The following GTF2F2 variants were observed in gnomAD, a reference collection of about 807,000 sequenced individuals.
GTF2F2 encodes the protein general transcription factor IIF subunit 2.
Under a neutral mutation model 42.2 loss-of-function variants are expected in GTF2F2, and 23 were observed. The observed-to-expected ratio is 0.55, with a 90% CI of 0.39 to 0.77. The LOEUF (loss-of-function observed/expected upper bound fraction) is 0.77, where lower values mean the gene tolerates loss of function less well. Ranked by LOEUF, GTF2F2 falls within the 30% of genes least tolerant of loss-of-function variation. The probability of loss-of-function intolerance (pLI) is 0.00; values close to 1 mark genes in which losing one functional copy is unlikely to be tolerated. For missense variants in GTF2F2, 261 were observed against 287.2 expected (o/e 0.91, Z 0.66); for synonymous variants, 105 against 100.8 (o/e 1.04, Z -0.25).
chr13:45,131,079 C>G (rs538351824), intron 1 of GTF2F2, among the ~76,000 whole-genome samples: 1 of 152,052 alleles, frequency 6.6e-6, no homozygotes, highest in South Asian at 2.1e-4. Flanking sequence ...ATGGAGAAAC[C>G]CCGTCTCTGC....
At chr13:45,224,515 G>A (rs1333530191) in intron 5 of GTF2F2, among the ~76,000 whole-genome samples, 1 of 152,072 alleles carries the variant, frequency 6.6e-6, no homozygotes, top group Non-Finnish European at 1.5e-5. Flanking sequence ...ATTCTAGTTA[G>A]GGCAGATGTC....
intron 5 of GTF2F2, among the ~76,000 whole-genome samples, chr13:45,223,677 A>G (rs2138207679): frequency 6.6e-6 from 1 of 152,346 alleles, no homozygotes; most frequent in South Asian, 2.1e-4. Context: ...AACTGATAGA[A>G]TACTGCACTA....
chr13:45,278,092 T>G (rs1034593572), intron 7 of GTF2F2, among the ~76,000 whole-genome samples: 1 of 152,174 alleles, frequency 6.6e-6, no homozygotes, highest in Non-Finnish European at 1.5e-5. Context: ...AGTCCTCCAT[T>G]TGTTTGACAG....
intron 4 of GTF2F2, chr13:45,194,554 A>G (rs1316795763): frequency 6.2e-7 from 1 of 1,607,670 alleles, no homozygotes. Flanking sequence ...TCTTCTGTTT[A>G]TTTTACGCTC....
chr13:45,168,975 C>A (rs901049532), intron 4 of GTF2F2, among the ~76,000 whole-genome samples: 1 of 140,638 alleles, frequency 7.1e-6, no homozygotes, highest in African/African-American at 2.6e-5. Context: ...TACCTCCTTC[C>A]CTCCTTCCTC....
At chr13:45,129,713 A>G (rs1308563412) in intron 1 of GTF2F2, among the ~76,000 whole-genome samples, 2 of 152,242 alleles carry the variant, frequency 1.3e-5, no homozygotes, top group African/African-American at 4.8e-5. Flanking sequence ...CAAAATTACA[A>G]TATCTGCCTA....
intron 4 of GTF2F2, among the ~76,000 whole-genome samples, chr13:45,197,843 C>A (rs1872977395): frequency 6.6e-6 from 1 of 152,166 alleles, no homozygotes; most frequent in Non-Finnish European, 1.5e-5. Flanking sequence ...TGTTTCTCTG[C>A]CTTGCAGATA....
At chr13:45,191,086 A>G (rs1039190713) in intron 4 of GTF2F2, among the ~76,000 whole-genome samples, 1 of 150,900 alleles carries the variant, frequency 6.6e-6, no homozygotes, top group Admixed American at 6.6e-5. Context: ...ATATAGTAAA[A>G]GCCGGCCGGG....
chr13:45,273,685 T>C (rs1593530353), intron 7 of GTF2F2, among the ~76,000 whole-genome samples: 1 of 147,434 alleles, frequency 6.8e-6, no homozygotes, highest in Admixed American at 6.7e-5. Context: ...GACGGAGTCT[T>C]GTTCTGTGGC....
At chr13:45,153,273 C>G (rs190431559) in intron 4 of GTF2F2, among the ~76,000 whole-genome samples, 1 of 152,214 alleles carries the variant, frequency 6.6e-6, no homozygotes, top group Admixed American at 6.5e-5. Flanking sequence ...CCGCCTCGGC[C>G]TCCCGGAGTG....
In GTF2F2 at chr13:45,240,556, A is replaced by G. The variant is rs564069251; in HGVS notation, c.387-12315A>G. Among the ~76,000 whole-genome samples, 21 of 152,306 alleles carry G rather than the reference A, an allele frequency of 1.4e-4. No homozygotes were observed. The East Asian group carries it at 2.7e-3, about 20-fold the overall frequency. Reference sequence around the variant, plus strand: ...AAAATTATAATTACTGGCCGGGCAGAGTGGCTCACACCTGTAATCCCAGCA... The same window carrying G: ...AAAATTATAATTACTGGCCGGGCAGGGTGGCTCACACCTGTAATCCCAGCA... On this transcript the variant is annotated intron_variant, in intron 5 of 7. Coordinates refer to ENST00000340473, the MANE Select transcript of GTF2F2 (RefSeq NM_004128.3).
intron 1 of GTF2F2, among the ~76,000 whole-genome samples, chr13:45,126,670 TA>T (rs558060828): frequency 0.054 from 5,348 of 99,826 alleles, 272 homozygotes; most frequent in African/African-American, 0.17. Flanking sequence ...ACGGACATGG[TA>T]TATATACTGT....
intron 1 of GTF2F2, among the ~76,000 whole-genome samples, chr13:45,132,027 GC>G (rs1869383491): frequency 2.0e-5 from 3 of 151,992 alleles, no homozygotes; most frequent in Non-Finnish European, 4.4e-5. Context: ...GCCTCCCTGT[GC>G]CTTAGTTTCC....
At chr13:45,228,056 T>C (rs976136583) in intron 5 of GTF2F2, among the ~76,000 whole-genome samples, 2 of 151,886 alleles carry the variant, frequency 1.3e-5, no homozygotes, top group East Asian at 3.9e-4. Context: ...TTGTAGCTTT[T>C]TCCTTTTCAT....
chr13:45,284,623 A>G lies in GTF2F2; in HGVS notation c.*1062A>G, dbSNP rs1877390192. On this transcript the variant is annotated 3_prime_UTR_variant, in exon 8 of 8. Coordinates refer to ENST00000340473, the MANE Select transcript of GTF2F2 (RefSeq NM_004128.3). ...CTCGTTCATTTTGTCATCTGCTTCTAGATGCTGCAATCAAGAAGTAGCAAA... is the reference window on the plus strand; with the variant it reads ...CTCGTTCATTTTGTCATCTGCTTCTGGATGCTGCAATCAAGAAGTAGCAAA... 6.6e-6 allele frequency: 1 copy of G among 152,206 alleles called. No individual in the cohort carries two copies. Among genetic ancestry groups the G allele is most frequent in the South Asian group, 2.1e-4 (1 of 4,834 alleles). The allele number at this position is 152,206 out of a possible 1,614,324, so 9.4% of individuals were successfully genotyped here. A position where few individuals can be genotyped will look rare whatever the true frequency, so the allele number is the denominator to read the frequency against.
At chr13:45,172,469 A>G (rs1428311857) in intron 4 of GTF2F2, among the ~76,000 whole-genome samples, 1 of 152,154 alleles carries the variant, frequency 6.6e-6, no homozygotes, top group Non-Finnish European at 1.5e-5. Context: ...TGATTTGCAA[A>G]TATTTTCTCC....
At chr13:45,206,120 A>C (rs1360240616) in intron 4 of GTF2F2, among the ~76,000 whole-genome samples, 1 of 152,182 alleles carries the variant, frequency 6.6e-6, no homozygotes, top group East Asian at 1.9e-4. Context: ...ATTTTGGTAT[A>C]AGGTAGTCAT....
intron 4 of GTF2F2, among the ~76,000 whole-genome samples, chr13:45,202,682 G>A (rs1238098627): frequency 6.6e-6 from 1 of 152,164 alleles, no homozygotes; most frequent in Non-Finnish European, 1.5e-5. Flanking sequence ...GCTGGGCACG[G>A]TGGCTCACGC....
intron 5 of GTF2F2, among the ~76,000 whole-genome samples, chr13:45,236,372 A>C (rs951853): frequency 0.047 from 7,119 of 152,182 alleles, 486 homozygotes; most frequent in African/African-American, 0.15. Flanking sequence ...TCTATTTATG[A>C]AAATAATCTG....
Sources: gnomAD v4.1 joint callset for allele counts (sites outside exome capture counted in the v4.1 genomes callset) on GRCh38, gnomAD v4.1.1 for gene constraint, MANE v1.5 for transcripts, NCBI Gene and HGNC (gene_info 2026-07-23, HGNC 2026-07-21) for gene names.